The following SMYD3 variants were observed in gnomAD, a reference collection of about 807,000 sequenced individuals.
SMYD3 encodes SET and MYND domain containing 3.
SMYD3 carries 36 observed loss-of-function variants against 57.7 expected under a neutral mutation model. The observed-to-expected ratio is 0.62, with a 90% CI of 0.48 to 0.82. The LOEUF (loss-of-function observed/expected upper bound fraction) is 0.82. Among genes scored for constraint, SMYD3 ranks in the 40% least tolerant of loss-of-function variants. SMYD3 has a pLI of 0.00. For synonymous variants in SMYD3, 211 were observed against 195.0 expected (o/e 1.08, Z -0.68); for missense variants, 515 against 538.8 (o/e 0.96, Z 0.44).
At chr1:246,315,281 A>T (rs757956806) in intron 5 of SMYD3, among the ~76,000 whole-genome samples, 2 of 152,230 alleles carry the variant, frequency 1.3e-5, no homozygotes, top group Non-Finnish European at 2.9e-5. Flanking sequence ...GACAACTTAG[A>T]AAGTAGGGGA....
chr1:246,363,296 TG>T (rs35163697), intron 1 of SMYD3, among the ~76,000 whole-genome samples: 10 of 142,684 alleles, frequency 7.0e-5, no homozygotes, highest in South Asian at 2.2e-4. Context: ...GGGAGGGAGG[TG>T]GGGGGGTCAG....
intron 1 of SMYD3, among the ~76,000 whole-genome samples, chr1:246,459,426 G>A (rs947886174): frequency 6.6e-6 from 1 of 150,986 alleles, no homozygotes; most frequent in Non-Finnish European, 1.5e-5. Context: ...CTTGTTACTT[G>A]AGAGTTTGTG....
At chr1:245,890,990 C>T (rs9662085) in intron 8 of SMYD3, among the ~76,000 whole-genome samples, 151,942 of 152,326 alleles carry the variant, frequency 1, 75,783 homozygotes, top group Middle Eastern at 1. Context: ...TTCACATGTT[C>T]TCACTAATTT....
intron 5 of SMYD3, among the ~76,000 whole-genome samples, chr1:246,224,309 A>C (rs6662672): frequency 0.42 from 63,425 of 151,710 alleles, 14,932 homozygotes; most frequent in East Asian, 0.79. Context: ...CTGTGCCCTG[A>C]AGACCGAAGC....
intron 5 of SMYD3, among the ~76,000 whole-genome samples, chr1:246,273,822 G>A (rs150677647): frequency 2.4e-3 from 366 of 150,882 alleles, no homozygotes; most frequent in African/African-American, 8.1e-3. Context: ...TGGCCTCGTG[G>A]TCCACCGGCC....
chr1:246,335,070 C>T (rs2065519585), intron 3 of SMYD3, among the ~76,000 whole-genome samples: 1 of 152,196 alleles, frequency 6.6e-6, no homozygotes, highest in South Asian at 2.1e-4. Context: ...GATGATGATG[C>T]ACTGAAGGGT....
chr1:246,171,499 T>C (rs2062332741), intron 5 of SMYD3, among the ~76,000 whole-genome samples: 1 of 152,166 alleles, frequency 6.6e-6, no homozygotes, highest in African/African-American at 2.4e-5. Flanking sequence ...AGAAATTCAT[T>C]GTTAGGTGAT....
At chr1:246,071,463 T>A (rs549297952) in intron 5 of SMYD3, among the ~76,000 whole-genome samples, 3 of 152,326 alleles carry the variant, frequency 2.0e-5, no homozygotes, top group Admixed American at 2.0e-4. Flanking sequence ...TATTTCAAAA[T>A]TTCAGACTTA....
chr1:246,424,413 A>T (rs992571494), intron 1 of SMYD3, among the ~76,000 whole-genome samples: 4 of 152,216 alleles, frequency 2.6e-5, no homozygotes, highest in African/African-American at 9.6e-5. Flanking sequence ...AAACAACAAA[A>T]ATAAATTAAA....
chr1:246,072,438 C>T lies in SMYD3; in HGVS notation c.532-142501G>A, dbSNP rs181691398. ...TCTGGGGAGGGATTCGTGTGCTTTC[C>T]GCTGTGCTCAGTGTGGATGAATCGT... On this transcript the variant is annotated intron_variant, in intron 5 of 11. Transcript: ENST00000490107. Among the ~76,000 whole-genome samples, 27 of 152,174 alleles carry T rather than the reference C, an allele frequency of 1.8e-4. No individual in the cohort carries two copies. In the East Asian group the frequency reaches 3.7e-3, roughly 21 times the overall value.
At chr1:246,113,108 G>C (rs2061276933) in intron 5 of SMYD3, among the ~76,000 whole-genome samples, 1 of 151,848 alleles carries the variant, frequency 6.6e-6, no homozygotes, top group African/African-American at 2.4e-5. Flanking sequence ...CTTGAACCCA[G>C]GAGGCGGAGC....
chr1:246,087,104 C>T (rs2060734521), intron 5 of SMYD3, among the ~76,000 whole-genome samples: 1 of 152,190 alleles, frequency 6.6e-6, no homozygotes, highest in South Asian at 2.1e-4. Context: ...GTATGTGCCA[C>T]CAAAGCTCCT....
intron 5 of SMYD3, among the ~76,000 whole-genome samples, chr1:246,108,475 T>C (rs1306144002): frequency 6.6e-6 from 1 of 152,186 alleles, no homozygotes; most frequent in Non-Finnish European, 1.5e-5. Flanking sequence ...TCTTCAACAA[T>C]CTTTGCTTTA....
intron 5 of SMYD3, among the ~76,000 whole-genome samples, chr1:246,240,406 T>TGTG (rs1283404472): frequency 5.9e-5 from 9 of 152,188 alleles, no homozygotes; most frequent in Non-Finnish European, 1.2e-4. Flanking sequence ...GTTGTAGATG[T>TGTG]GTGGTATTCT....
chr1:246,392,874 G>A (rs1378746214), intron 1 of SMYD3, among the ~76,000 whole-genome samples: 1 of 149,350 alleles, frequency 6.7e-6, no homozygotes, highest in East Asian at 1.9e-4. Context: ...TAGTCAATAA[G>A]CATATAGAAA....
chr1:246,450,286 T>C (rs1236545615), intron 1 of SMYD3, among the ~76,000 whole-genome samples: 1 of 150,772 alleles, frequency 6.6e-6, no homozygotes, highest in Non-Finnish European at 1.5e-5. Context: ...AGCGAAACTC[T>C]ATCTCAAAAA....
Position 246,275,303 on chromosome 1 carries a change from T to G in SMYD3, c.531+51898A>C, listed in dbSNP as rs117053373. On this transcript the variant is annotated intron_variant, in intron 5 of 11. Coordinates refer to ENST00000490107, the MANE Select transcript of SMYD3 (RefSeq NM_001167740.2). ...CATTCTGGCACCCAGGCTTATAGTT[T>G]GCCTGCTCCTGGCCAACAACAAAGA... 1.7e-3 allele frequency among the ~76,000 whole-genome samples: 257 copies of G among 152,372 alleles called. 1 individual carries two copies. Among genetic ancestry groups the G allele is most frequent in the African/African-American group, 5.7e-3 (239 of 41,588 alleles).
intron 11 of SMYD3, among the ~76,000 whole-genome samples, chr1:245,753,759 C>A (rs1374567173): frequency 7.2e-5 from 11 of 152,250 alleles, no homozygotes; most frequent in Admixed American, 5.2e-4. Flanking sequence ...CAATAAATTT[C>A]TGACAAACGA....
intron 1 of SMYD3, among the ~76,000 whole-genome samples, chr1:246,487,594 TA>T (rs2068208150): frequency 6.6e-6 from 1 of 151,770 alleles, no homozygotes; most frequent in African/African-American, 2.4e-5. Context: ...AAAGAAAATG[TA>T]AAAAAACAGA....
Sources: gnomAD v4.1 joint callset for allele counts (sites outside exome capture counted in the v4.1 genomes callset) on GRCh38, gnomAD v4.1.1 for gene constraint, MANE v1.5 for transcripts, NCBI Gene and HGNC (gene_info 2026-07-23, HGNC 2026-07-21) for gene names.